Variants in GLDC observed in about 807,000 individuals in gnomAD.
GLDC encodes the protein glycine dehydrogenase (decarboxylating), mitochondrial.
A neutral mutation model predicts 121.3 loss-of-function variants in GLDC; 104 were observed. The ratio of observed to expected loss-of-function variants is 0.86; its 90% CI spans 0.73 to 1.01. The LOEUF is 1.01. Among genes scored for constraint, GLDC ranks in the 50% least tolerant of loss-of-function variants. The probability of loss-of-function intolerance (pLI) is 0.00; values close to 1 mark genes in which losing one functional copy is unlikely to be tolerated. For missense variants in GLDC, 1,429 were observed against 1,306.6 expected (o/e 1.09, Z -1.44); for synonymous variants, 546 against 480.6 (o/e 1.14, Z -1.78).
chr9:6,533,757 C>T (rs1236036976), intron 24 of GLDC, among the ~76,000 whole-genome samples: 2 of 150,860 alleles, frequency 1.3e-5, no homozygotes, highest in Non-Finnish European at 2.9e-5. Flanking sequence ...ACTTGGGAGG[C>T]TAAGGTAGGA....
At chr9:6,560,316 G>T (rs958477459) in intron 16 of GLDC, among the ~76,000 whole-genome samples, 2 of 152,200 alleles carry the variant, frequency 1.3e-5, no homozygotes, top group East Asian at 3.8e-4. Flanking sequence ...CAGCAAAGGA[G>T]TCTACTTAAG....
At chr9:6,559,253 G>A (rs961667275) in intron 16 of GLDC, among the ~76,000 whole-genome samples, 3 of 152,132 alleles carry the variant, frequency 2.0e-5, no homozygotes, top group Non-Finnish European at 2.9e-5. Flanking sequence ...AGTGGCTCAC[G>A]CGTGTAATCC....
intron 3 of GLDC, among the ~76,000 whole-genome samples, chr9:6,619,411 C>A (rs190403556): frequency 6.6e-6 from 1 of 152,002 alleles, no homozygotes; most frequent in Non-Finnish European, 1.5e-5. Flanking sequence ...GAAGGGAACA[C>A]AATTATCTGT....
intron 15 of GLDC, among the ~76,000 whole-genome samples, chr9:6,583,682 A>C (rs1268880575): frequency 6.6e-6 from 1 of 152,234 alleles, no homozygotes; most frequent in African/African-American, 2.4e-5. Context: ...TCTGAAAAAA[A>C]GAAAAAAGGA....
chr9:6,534,912 A>G (rs41305657), intron 23 of GLDC, 124 bp from the exon 24 acceptor site: 131 of 697,412 alleles, frequency 1.9e-4, no homozygotes, highest in African/African-American at 7.2e-4. Context: ...TTTTCTTTCA[A>G]TTTAGGGGGG....
At chr9:6,545,860 C>T (rs996000788) in intron 21 of GLDC, among the ~76,000 whole-genome samples, 1 of 152,080 alleles carries the variant, frequency 6.6e-6, no homozygotes, top group East Asian at 1.9e-4. Flanking sequence ...TGGCTGGTCT[C>T]GAACTCCTGA....
chr9:6,592,468 T>A (rs192427057), intron 10 of GLDC, among the ~76,000 whole-genome samples: 1 of 152,200 alleles, frequency 6.6e-6, no homozygotes, highest in African/African-American at 2.4e-5. Context: ...GACACTCCTT[T>A]TGAAGCTAGA....
intron 2 of GLDC, among the ~76,000 whole-genome samples, chr9:6,630,517 T>A (rs1819354189): frequency 6.6e-6 from 1 of 152,116 alleles, no homozygotes; most frequent in Non-Finnish European, 1.5e-5. Context: ...AAGGAAATCA[T>A]CAGGACTGAA....
chr9:6,561,363 T>C (rs551337913), intron 16 of GLDC, among the ~76,000 whole-genome samples: 1 of 152,238 alleles, frequency 6.6e-6, no homozygotes, highest in South Asian at 2.1e-4. Flanking sequence ...AAAATTGTAG[T>C]GTTGGCCGGG....
intron 4 of GLDC, 116 bp downstream of exon 4, chr9:6,610,076 A>C (rs1229648235): frequency 1.2e-6 from 1 of 813,466 alleles, no homozygotes; most frequent in Non-Finnish European, 2.0e-6. Context: ...GTTTCTCTGA[A>C]AAGTCATACT....
intron 21 of GLDC, among the ~76,000 whole-genome samples, chr9:6,546,986 AATG>A (rs1817407278): frequency 6.6e-6 from 1 of 151,850 alleles, no homozygotes; most frequent in Non-Finnish European, 1.5e-5. Context: ...TAATAATAAT[AATG>A]ATAAGAAGCA....
At chr9:6,593,250 G>A (rs1818413651) in intron 9 of GLDC, among the ~76,000 whole-genome samples, 1 of 148,836 alleles carries the variant, frequency 6.7e-6, no homozygotes, top group Non-Finnish European at 1.5e-5. Context: ...TCAAGAAATG[G>A]GGGAGCAGGT....
rs369013616 is a variant in GLDC, at chr9:6,569,787, C to T, written c.1851-4358G>A. ...AGTTAGAAGATCGAGACCAGCCTGG[C>T]GAACATGGCAAAACCCTGTCTCTAC... On this transcript the variant is annotated intron_variant, in intron 15 of 24. Transcript: ENST00000321612. Among the ~76,000 whole-genome samples the T allele has an allele frequency of 3.3e-5, 5 of 151,596 alleles. No homozygotes were observed. In the East Asian group the frequency reaches 7.8e-4, roughly 24 times the overall value.
At position 6,533,012 on chromosome 9, in the gene GLDC, G is replaced by C. The variant is rs764814250; in HGVS notation, c.*5C>G. 48 of 1,601,912 alleles carry C rather than the reference G, an allele frequency of 3.0e-5. No homozygotes were observed. The highest frequency in any genetic ancestry group is 5.4e-5 in the African/African-American group (4 of 74,668). ...AATCAGTCCTTTAAACTTAGGGACA[G>C]AGGACTAAGAAGACGCCCTCTTTTG... On this transcript the variant is annotated 3_prime_UTR_variant, in exon 25 of 25. Transcript: ENST00000321612.
intron 2 of GLDC, among the ~76,000 whole-genome samples, chr9:6,627,295 CA>C (rs35067265): frequency 0.26 from 19,717 of 77,296 alleles, 1,181 homozygotes; most frequent in East Asian, 0.38. Context: ...GACTCCATCT[CA>C]AAAAAAAAAA....
intron 15 of GLDC, among the ~76,000 whole-genome samples, chr9:6,581,198 G>A (rs76476911): frequency 0.025 from 3,828 of 152,256 alleles, 124 homozygotes; most frequent in African/African-American, 0.071. Context: ...CAACGAAGGA[G>A]CAGTTGGTAA....
intron 2 of GLDC, among the ~76,000 whole-genome samples, chr9:6,636,824 C>A (rs1177345400): frequency 6.6e-6 from 1 of 152,110 alleles, no homozygotes; most frequent in Non-Finnish European, 1.5e-5. Context: ...TGGCTCATGA[C>A]TGTAATCCCA....
At chr9:6,617,905 G>A (rs1818997380) in intron 3 of GLDC, among the ~76,000 whole-genome samples, 1 of 152,226 alleles carries the variant, frequency 6.6e-6, no homozygotes, top group African/African-American at 2.4e-5. Flanking sequence ...CCCACTTAGT[G>A]AAGCCTGCAT....
chr9:6,555,449 C>G (rs1817604381), intron 18 of GLDC, among the ~76,000 whole-genome samples: 1 of 151,518 alleles, frequency 6.6e-6, no homozygotes. Context: ...TGAATGAGAA[C>G]CAAAGAAAGG....
Sources: gnomAD v4.1 joint callset for allele counts (sites outside exome capture counted in the v4.1 genomes callset) on GRCh38, gnomAD v4.1.1 for gene constraint, MANE v1.5 for transcripts, NCBI Gene and HGNC (gene_info 2026-07-23, HGNC 2026-07-21) for gene names.